UBE2W: variants seen among roughly 807,000 people sequenced by gnomAD.
UBE2W encodes ubiquitin-conjugating enzyme E2 W.
Under a neutral mutation model 27.2 loss-of-function variants are expected in UBE2W, and 18 were observed. That is an observed-to-expected ratio of 0.66 (90% CI 0.46 to 0.98). The LOEUF (loss-of-function observed/expected upper bound fraction) is 0.98, where lower values mean the gene tolerates loss of function less well. Among genes scored for constraint, UBE2W ranks in the 50% least tolerant of loss-of-function variants. The pLI, the probability that UBE2W is intolerant of heterozygous loss-of-function variation, is 0.00. For synonymous variants in UBE2W, 53 were observed against 57.2 expected, an observed-to-expected ratio of 0.93 and a Z score of 0.33; for missense variants, 90 against 180.2, an observed-to-expected ratio of 0.50 and a Z score of 2.87.
chr8:73,835,351 C>T (rs1810262354), intron 1 of UBE2W, among the ~76,000 whole-genome samples: 1 of 152,170 alleles, frequency 6.6e-6, no homozygotes, highest in Non-Finnish European at 1.5e-5. Context: ...CTAGTATTCA[C>T]ACCCTTGTGT....
At chr8:73,785,055 T>G (rs1309612129), downstream of UBE2W, among the ~76,000 whole-genome samples, 1 of 152,206 alleles carries the variant, frequency 6.6e-6, no homozygotes, top group Non-Finnish European at 1.5e-5. Context: ...CTGATCTTCA[T>G]GCAAACTCCT....
chr8:73,789,275 A>G lies in UBE2W; in HGVS notation c.*4827T>C, dbSNP rs1299856245. 3 of 364,986 alleles carry G rather than the reference A, an allele frequency of 8.2e-6. No homozygotes were observed. The East Asian group carries it at 6.2e-4, about 76-fold the overall frequency. 22.6% of individuals were successfully genotyped at this position (364,986 alleles called of 1,614,324 possible). On this transcript the variant is annotated 3_prime_UTR_variant, in exon 6 of 6. Coordinates refer to ENST00000602593, the MANE Select transcript of UBE2W (RefSeq NM_018299.6). The stretch of plus-strand genomic sequence containing the variant: ...TGCTTGAGCCCAGGAATTCAAGATC[A>G]GCCTGGGCAACATGGTGAGACCTCG...
chr8:73,855,438 G>C (rs578148614), intron 1 of UBE2W, among the ~76,000 whole-genome samples: 3 of 115,792 alleles, frequency 2.6e-5, no homozygotes, highest in Non-Finnish European at 4.8e-5. Context: ...GTCTCACTCT[G>C]TCACCCATGC....
At chr8:73,783,830 T>A (rs546858640), downstream of UBE2W, among the ~76,000 whole-genome samples, 1 of 152,308 alleles carries the variant, frequency 6.6e-6, no homozygotes, top group Admixed American at 6.5e-5. Context: ...TGGTGCGATC[T>A]GGGCTCACTG....
At chr8:73,844,949 G>C (rs1310329069) in intron 1 of UBE2W, among the ~76,000 whole-genome samples, 1 of 151,312 alleles carries the variant, frequency 6.6e-6, no homozygotes, top group Non-Finnish European at 1.5e-5. Flanking sequence ...CCCTCCGCCT[G>C]GCAGCCGCCC....
intron 1 of UBE2W, among the ~76,000 whole-genome samples, chr8:73,839,574 T>C (rs1241233960): frequency 6.6e-6 from 1 of 151,482 alleles, no homozygotes; most frequent in East Asian, 2.0e-4. Context: ...GGAGAATCTC[T>C]TGAACCCAGG....
At chr8:73,854,049 T>G (rs1022117324) in intron 1 of UBE2W, among the ~76,000 whole-genome samples, 1 of 151,986 alleles carries the variant, frequency 6.6e-6, no homozygotes, top group African/African-American at 2.4e-5. Context: ...CTCAGGAGGC[T>G]GAGGAGGGAG....
At chr8:73,812,694 T>G (rs1034839407) in intron 3 of UBE2W, among the ~76,000 whole-genome samples, 1 of 152,096 alleles carries the variant, frequency 6.6e-6, no homozygotes, top group African/African-American at 2.4e-5. Flanking sequence ...GAGTTTCTTC[T>G]TTGGCCACAA....
chr8:73,788,116 C>T lies in UBE2W; in HGVS notation c.*5986G>A. 2 of 983,732 alleles carry T rather than the reference C, an allele frequency of 2.0e-6. No homozygotes were observed. The highest frequency in any genetic ancestry group is 2.4e-6 in the Non-Finnish European group (2 of 828,490). The allele number at this position is 983,732 out of a possible 1,614,324, so 60.9% of individuals were successfully genotyped here. A position where few individuals can be genotyped will look rare whatever the true frequency, so the allele number is the denominator to read the frequency against. On this transcript the variant is annotated 3_prime_UTR_variant, in exon 6 of 6. Transcript: ENST00000602593. ...TATCTATCCCATTTAGTATTCAAGT[C>T]TACAGAAAAAATCCAATAACAACTG... is the stretch of plus-strand genomic sequence containing the variant.
chr8:73,795,630 G>C (rs996550977), intron 5 of UBE2W, among the ~76,000 whole-genome samples: 2 of 152,080 alleles, frequency 1.3e-5, no homozygotes, highest in Non-Finnish European at 2.9e-5. Context: ...TGACTTCTAA[G>C]CTGGGCAAAC....
chr8:73,785,744 A>G (rs185773660), downstream of UBE2W, among the ~76,000 whole-genome samples: 1 of 150,992 alleles, frequency 6.6e-6, no homozygotes, highest in Non-Finnish European at 1.5e-5. Context: ...GGCGCCCACC[A>G]CCACGCCGTT....
rs1470477447 is a variant in UBE2W, at chr8:73,789,159, G to A, written c.*4943C>T. On this transcript the variant is annotated 3_prime_UTR_variant, in exon 6 of 6. Transcript: ENST00000602593. ...TCTATGTGCCTCTAATGATAATGAT[G>A]TACATAAACCTGTCTTAAATCGGCA... 1 of 984,698 alleles carries A rather than the reference G, an allele frequency of 1.0e-6. No homozygotes were observed. The highest frequency in any genetic ancestry group is 1.2e-6 in the Non-Finnish European group (1 of 829,808). 61.0% of individuals were successfully genotyped at this position (984,698 alleles called of 1,614,324 possible).
downstream of UBE2W, among the ~76,000 whole-genome samples, chr8:73,781,628 T>TTA (rs1586423577): frequency 6.6e-6 from 1 of 151,130 alleles, no homozygotes; most frequent in South Asian, 2.1e-4. Flanking sequence ...GGTTTTTTTT[T>TTA]TTTTTTTTTA....
intron 1 of UBE2W, among the ~76,000 whole-genome samples, chr8:73,860,953 C>CA (rs1456078111): frequency 1.3e-5 from 2 of 151,806 alleles, no homozygotes; most frequent in Admixed American, 6.6e-5. Context: ...GGCAACATTA[C>CA]AAAAAATTTT....
At position 73,789,352 on chromosome 8, in the gene UBE2W, T is replaced by C. The variant is rs956817517; in HGVS notation, c.*4750A>G. ...AAAAAAAAAAAAAAAATTCTATCCA[T>C]CCAGGCATGGTGGCACACACCTGTA... is the stretch of plus-strand genomic sequence containing the variant. On this transcript the variant is annotated 3_prime_UTR_variant, in exon 6 of 6. Coordinates refer to ENST00000602593, the MANE Select transcript of UBE2W (RefSeq NM_018299.6). 5 of 191,244 alleles carry C rather than the reference T, an allele frequency of 2.6e-5. No homozygotes were observed. Among genetic ancestry groups the C allele is most frequent in the Middle Eastern group, 5.4e-3 (2 of 370 alleles). 11.8% of individuals were successfully genotyped at this position (191,244 alleles called of 1,614,324 possible).
chr8:73,825,975 C>G (rs955479546), intron 2 of UBE2W, among the ~76,000 whole-genome samples: 6 of 152,044 alleles, frequency 3.9e-5, no homozygotes, highest in African/African-American at 1.4e-4. Flanking sequence ...CTGGTGGAAG[C>G]CATGGAGAAA....
chr8:73,851,764 T>A (rs1811088287), intron 1 of UBE2W, among the ~76,000 whole-genome samples: 1 of 151,396 alleles, frequency 6.6e-6, no homozygotes, highest in East Asian at 1.9e-4. Flanking sequence ...ATGAACTAGA[T>A]TTGGTGACAA....
intron 1 of UBE2W, among the ~76,000 whole-genome samples, chr8:73,855,006 A>C (rs1586528607): frequency 6.6e-6 from 1 of 152,344 alleles, no homozygotes; most frequent in East Asian, 1.9e-4. Context: ...TATAAGATGG[A>C]ATCATCTATC....
At chr8:73,843,848 G>C (rs924693651) in intron 1 of UBE2W, among the ~76,000 whole-genome samples, 1 of 151,122 alleles carries the variant, frequency 6.6e-6, no homozygotes. Flanking sequence ...AAATAATAAT[G>C]TGTGGTGGTG....
Sources: allele counts gnomAD v4.1 joint callset (sites outside exome capture counted in the v4.1 genomes callset), GRCh38; gene constraint gnomAD v4.1.1; transcripts MANE v1.5; gene names NCBI Gene and HGNC (gene_info 2026-07-23, HGNC 2026-07-21).